CCDC6: variants seen among roughly 807,000 people sequenced by gnomAD.
CCDC6 encodes the protein coiled-coil domain containing 6, also known as coiled-coil domain-containing protein 6.
CCDC6 carries 20 observed loss-of-function variants against 56.6 expected under a neutral mutation model. That is an observed-to-expected ratio of 0.35 (90% CI 0.25 to 0.51). CCDC6 has a LOEUF of 0.51. CCDC6 is among the 20% of genes least tolerant of loss of function. CCDC6 has a pLI of 0.95. For missense variants in CCDC6, 367 were observed against 601.1 expected, an observed-to-expected ratio of 0.61 and a Z score of 4.07; for synonymous variants, 241 against 234.4, an observed-to-expected ratio of 1.03 and a Z score of -0.26.
intron 7 of CCDC6, among the ~76,000 whole-genome samples, chr10:59,798,991 C>CAAA (rs34505959): frequency 1.6e-4 from 12 of 76,974 alleles, no homozygotes; most frequent in Admixed American, 3.6e-4. Flanking sequence ...AAGACTGTTT[C>CAAA]AAAAAAAAAA....
intron 2 of CCDC6, among the ~76,000 whole-genome samples, chr10:59,847,938 G>A (rs537920654): frequency 6.7e-6 from 1 of 149,862 alleles, no homozygotes; most frequent in Non-Finnish European, 1.5e-5. Flanking sequence ...TGGGGCCACT[G>A]TCTGTGTGGA....
chr10:59,900,277 G>C (rs971061091), intron 1 of CCDC6, among the ~76,000 whole-genome samples: 10 of 152,174 alleles, frequency 6.6e-5, no homozygotes, highest in African/African-American at 2.4e-4. Context: ...CCGGTGTGTG[G>C]CTGACAAAGA....
At chr10:59,818,542 G>T (rs2070727569) in intron 3 of CCDC6, among the ~76,000 whole-genome samples, 1 of 149,204 alleles carries the variant, frequency 6.7e-6, no homozygotes, top group Non-Finnish European at 1.5e-5. Flanking sequence ...TCTATGTAGG[G>T]TTCACATGTT....
intron 2 of CCDC6, among the ~76,000 whole-genome samples, chr10:59,840,643 C>T (rs2070930174): frequency 6.6e-6 from 1 of 152,232 alleles, no homozygotes; most frequent in South Asian, 2.1e-4. Flanking sequence ...GAAGCCCAGA[C>T]ATTGCAATTG....
At chr10:59,847,655 T>A (rs904856386) in intron 2 of CCDC6, among the ~76,000 whole-genome samples, 5 of 152,056 alleles carry the variant, frequency 3.3e-5, no homozygotes, top group Non-Finnish European at 7.4e-5. Flanking sequence ...CATCACAATT[T>A]TTAAATTTCC....
At chr10:59,795,145 G>A (rs942428621) in intron 7 of CCDC6, among the ~76,000 whole-genome samples, 1 of 151,834 alleles carries the variant, frequency 6.6e-6, no homozygotes, top group African/African-American at 2.4e-5. Context: ...CTGCGCTAAG[G>A]AAACTTTCAG....
chr10:59,832,151 A>G (rs923021891), intron 3 of CCDC6, among the ~76,000 whole-genome samples: 3 of 152,242 alleles, frequency 2.0e-5, no homozygotes, highest in African/African-American at 7.2e-5. Flanking sequence ...TTTATTCTGA[A>G]GAAGCTTTGA....
intron 2 of CCDC6, among the ~76,000 whole-genome samples, chr10:59,843,590 C>T (rs2070961941): frequency 6.6e-6 from 1 of 152,166 alleles, no homozygotes; most frequent in Non-Finnish European, 1.5e-5. Context: ...TATTTCTAGT[C>T]ACTTACATTC....
intron 7 of CCDC6, among the ~76,000 whole-genome samples, chr10:59,802,612 GA>G (rs1325463054): frequency 6.6e-5 from 10 of 151,894 alleles, no homozygotes; most frequent in African/African-American, 1.7e-4. Context: ...TAGCTGTAAG[GA>G]AAAAAAATCT....
chr10:59,895,921 T>C (rs1258786174), intron 1 of CCDC6, among the ~76,000 whole-genome samples: 1 of 152,168 alleles, frequency 6.6e-6, no homozygotes, highest in Admixed American at 6.5e-5. Flanking sequence ...TAGGCGACCA[T>C]GTCTATGTGA....
At chr10:59,878,025 T>G (rs1249157737) in intron 1 of CCDC6, among the ~76,000 whole-genome samples, 1 of 152,198 alleles carries the variant, frequency 6.6e-6, no homozygotes, top group Non-Finnish European at 1.5e-5. Context: ...ATCTATGGAA[T>G]TTAGATGCCA....
rs992405858 is a variant in CCDC6 at position 59,816,442 on chromosome 10, G to A, written c.583-1687C>T. ...TCACAAAACAGCAGCCAATGCATTGGGGGGAGACTCCTGTAATTACACTTC... is the reference window on the plus strand; with the variant it reads ...TCACAAAACAGCAGCCAATGCATTGAGGGGAGACTCCTGTAATTACACTTC... On this transcript the variant is annotated intron_variant, in intron 3 of 8. Coordinates refer to ENST00000263102, the MANE Select transcript of CCDC6 (RefSeq NM_005436.5). Among the ~76,000 whole-genome samples the A allele has an allele frequency of 2.0e-5, 3 of 152,208 alleles. No homozygotes were observed. In the East Asian group the frequency reaches 5.8e-4, roughly 29 times the overall value.
At chr10:59,844,400 A>T (rs2070970346) in intron 2 of CCDC6, among the ~76,000 whole-genome samples, 2 of 147,668 alleles carry the variant, frequency 1.4e-5, no homozygotes, top group South Asian at 2.1e-4. Context: ...TAACATCTTT[A>T]AAAAAAATCT....
chr10:59,906,188 G>T lies in CCDC6; in HGVS notation c.237C>A (p.Thr79=). The T allele has an allele frequency of 6.2e-7, 1 of 1,612,272 alleles. No individual in the cohort carries two copies. The highest frequency in any genetic ancestry group is 8.5e-7 in the Non-Finnish European group (1 of 1,179,322). ...ENKVLKIELE[T]YKLKCKALQE... ...GCAGTGCCTTGCACTTCAGTTTGTA[G>T]GTCTCCAGCTCTATCTTCAGCACCT... The change falls in exon 1 of 9, where the codon ACC becomes ACA. Residue 79 remains threonine, a synonymous_variant. Transcript: ENST00000263102.
At chr10:59,818,061 A>G (rs953516022) in intron 3 of CCDC6, among the ~76,000 whole-genome samples, 5 of 152,132 alleles carry the variant, frequency 3.3e-5, no homozygotes, top group African/African-American at 1.2e-4. Context: ...GGTCCTGTCC[A>G]ACCAGCAAGT....
chr10:59,833,315 G>A (rs1054931456), intron 2 of CCDC6, among the ~76,000 whole-genome samples: 5 of 152,162 alleles, frequency 3.3e-5, no homozygotes, highest in Non-Finnish European at 5.9e-5. Context: ...TGGGCGTGGT[G>A]ACAGGCACCT....
intron 1 of CCDC6, among the ~76,000 whole-genome samples, chr10:59,888,562 A>G (rs2071399464): frequency 6.6e-6 from 1 of 152,092 alleles, no homozygotes; most frequent in Non-Finnish European, 1.5e-5. Context: ...AGCTGGGGCC[A>G]GCAGCCTAAG....
intron 1 of CCDC6, among the ~76,000 whole-genome samples, chr10:59,857,649 C>T (rs77898342): frequency 0.012 from 1,876 of 152,040 alleles, 15 homozygotes; most frequent in Middle Eastern, 0.02. Flanking sequence ...AGTTCAAGTG[C>T]CTACCAAGAT....
intron 2 of CCDC6, among the ~76,000 whole-genome samples, chr10:59,842,753 T>C: frequency 8.1e-6 from 1 of 123,726 alleles, no homozygotes; most frequent in African/African-American, 4.9e-5. Flanking sequence ...GAAGACAATT[T>C]TTTTTTTTTT....
Sources: allele counts gnomAD v4.1 joint callset (sites outside exome capture counted in the v4.1 genomes callset), GRCh38; gene constraint gnomAD v4.1.1; transcripts MANE v1.5; gene names NCBI Gene and HGNC (gene_info 2026-07-23, HGNC 2026-07-21).